The following PRKCA variants were observed in gnomAD, a reference collection of about 807,000 sequenced individuals.
PRKCA encodes the protein protein kinase C alpha type.
PRKCA carries 27 observed loss-of-function variants against 87.0 expected under a neutral mutation model. That is an observed-to-expected ratio of 0.31 (90% confidence interval 0.23 to 0.43). The LOEUF (loss-of-function observed/expected upper bound fraction) is 0.43, where lower values mean the gene tolerates loss of function less well. Among genes scored for constraint, PRKCA ranks in the 20% least tolerant of loss-of-function variants. The probability of loss-of-function intolerance (pLI) is 1.00; values close to 1 mark genes in which losing one functional copy is unlikely to be tolerated. For missense variants in PRKCA, 518 were observed against 852.3 expected, an observed-to-expected ratio of 0.61 and a Z score of 4.88; for synonymous variants, 329 against 311.1, an observed-to-expected ratio of 1.06 and a Z score of -0.61.
intron 3 of PRKCA, among the ~76,000 whole-genome samples, chr17:66,568,546 T>C (rs538989863): frequency 6.6e-5 from 10 of 152,266 alleles, no homozygotes; most frequent in African/African-American, 2.4e-4. Context: ...GTGCACTTAC[T>C]GCTGTTGCCA....
At chr17:66,645,657 G>A in intron 5 of PRKCA, 146 bp downstream of exon 5, 1 of 1,183,066 alleles carries the variant, frequency 8.5e-7, no homozygotes, top group Non-Finnish European at 1.2e-6. Flanking sequence ...CTGTCTCAGA[G>A]CCCTCCAGCC....
At chr17:66,748,386 AC>A (rs1974347004) in intron 13 of PRKCA, among the ~76,000 whole-genome samples, 1 of 152,184 alleles carries the variant, frequency 6.6e-6, no homozygotes, top group African/African-American at 2.4e-5. Context: ...ATCACCTATG[AC>A]CTGTCTTCTT....
intron 2 of PRKCA, among the ~76,000 whole-genome samples, chr17:66,383,784 C>T (rs947528970): frequency 2.0e-5 from 3 of 152,054 alleles, no homozygotes; most frequent in Non-Finnish European, 4.4e-5. Flanking sequence ...GAAACCCCAT[C>T]TCTACTAAAA....
intron 8 of PRKCA, among the ~76,000 whole-genome samples, chr17:66,717,060 A>G (rs1407920672): frequency 6.6e-6 from 1 of 152,192 alleles, no homozygotes; most frequent in African/African-American, 2.4e-5. Flanking sequence ...TAGTGATTTA[A>G]TTCTAGTGCT....
intron 8 of PRKCA, among the ~76,000 whole-genome samples, chr17:66,700,026 T>C (rs536194796): frequency 6.6e-6 from 1 of 152,300 alleles, no homozygotes; most frequent in East Asian, 1.9e-4. Flanking sequence ...TAAAGGCCAA[T>C]ATATCCAATG....
intron 3 of PRKCA, among the ~76,000 whole-genome samples, chr17:66,619,607 A>G (rs1359051848): frequency 6.6e-6 from 1 of 152,214 alleles, no homozygotes; most frequent in Non-Finnish European, 1.5e-5. Flanking sequence ...ATCTCCATCC[A>G]TGAACTAAAA....
chr17:66,709,369 T>A (rs2144120210), intron 8 of PRKCA, among the ~76,000 whole-genome samples: 1 of 142,026 alleles, frequency 7.0e-6, no homozygotes, highest in East Asian at 2.1e-4. Context: ...TGGAATGCAG[T>A]AACACAGTCT....
chr17:66,481,678 A>C (rs577495382), intron 2 of PRKCA, among the ~76,000 whole-genome samples: 26 of 152,266 alleles, frequency 1.7e-4, no homozygotes, highest in African/African-American at 6.0e-4. Flanking sequence ...CATCTCTTCT[A>C]GGCAGATACC....
intron 8 of PRKCA, among the ~76,000 whole-genome samples, chr17:66,725,766 T>C (rs1440880734): frequency 6.7e-6 from 1 of 150,158 alleles, no homozygotes; most frequent in Non-Finnish European, 1.5e-5. Context: ...ACCATGATCA[T>C]GCCACTGCAC....
At chr17:66,345,164 G>T (rs1391910643) in intron 2 of PRKCA, among the ~76,000 whole-genome samples, 1 of 151,924 alleles carries the variant, frequency 6.6e-6, no homozygotes, top group Non-Finnish European at 1.5e-5. Context: ...ATCTTGCTTT[G>T]GAAATAGCAA....
At chr17:66,402,356 G>A (rs2143692561) in intron 2 of PRKCA, among the ~76,000 whole-genome samples, 1 of 151,938 alleles carries the variant, frequency 6.6e-6, no homozygotes, top group East Asian at 1.9e-4. Flanking sequence ...AGTGACTATG[G>A]AGTACTCCTT....
At chr17:66,445,198 C>T (rs537449485) in intron 2 of PRKCA, among the ~76,000 whole-genome samples, 1 of 152,304 alleles carries the variant, frequency 6.6e-6, no homozygotes, top group African/African-American at 2.4e-5. Flanking sequence ...CTCTCTGGTT[C>T]CCTTCAGCGG....
At chr17:66,686,964 C>T (rs565025425) in intron 5 of PRKCA, 147 bp from the exon 6 acceptor site, 36 of 688,268 alleles carry the variant, frequency 5.2e-5, no homozygotes, top group African/African-American at 3.4e-4. Context: ...TTTCTCATGT[C>T]GAGTGTTAGA....
chr17:66,415,355 G>A (rs1427119396), intron 2 of PRKCA: 1 of 152,088 alleles, frequency 6.6e-6, no homozygotes, highest in Non-Finnish European at 1.5e-5. Context: ...ATTCTGAATT[G>A]GCTCACACTT....
At chr17:66,691,578 T>C (rs1237440996) in intron 8 of PRKCA, among the ~76,000 whole-genome samples, 1 of 152,178 alleles carries the variant, frequency 6.6e-6, no homozygotes, top group African/African-American at 2.4e-5. Flanking sequence ...AGGACCACCT[T>C]CTTGAGCCCC....
intron 14 of PRKCA, chr17:66,777,959 G>A: frequency 1.0e-6 from 1 of 985,220 alleles, no homozygotes; most frequent in Non-Finnish European, 1.2e-6. Flanking sequence ...GCTTTCTTCT[G>A]GCAGAGAAGT....
intron 15 of PRKCA, chr17:66,787,186 T>G (rs1327592744): frequency 2.7e-6 from 2 of 747,238 alleles, no homozygotes; most frequent in East Asian, 5.2e-5. Context: ...TTTTGAACTC[T>G]GCACAAACCG....
At chr17:66,430,278 G>A (rs532734131) in intron 2 of PRKCA, among the ~76,000 whole-genome samples, 5 of 152,070 alleles carry the variant, frequency 3.3e-5, no homozygotes, top group East Asian at 2.0e-4. Flanking sequence ...GAATACAGGG[G>A]GCAGAGTGTG....
At chr17:66,417,504 T>C (rs751247835) in intron 2 of PRKCA, among the ~76,000 whole-genome samples, 1 of 152,076 alleles carries the variant, frequency 6.6e-6, no homozygotes, top group Non-Finnish European at 1.5e-5. Context: ...CATTTCTGCT[T>C]GTAGAGACTT....
Sources: gnomAD v4.1 joint callset for allele counts (sites outside exome capture counted in the v4.1 genomes callset) on GRCh38, gnomAD v4.1.1 for gene constraint, MANE v1.5 for transcripts, NCBI Gene and HGNC (gene_info 2026-07-23, HGNC 2026-07-21) for gene names.